The following PDE1A variants were observed in gnomAD, a reference collection of about 807,000 sequenced individuals.
PDE1A encodes the protein phosphodiesterase 1A.
A neutral mutation model predicts 61.7 loss-of-function variants in PDE1A; 35 were observed. The ratio of observed to expected loss-of-function variants is 0.57; its 90% CI spans 0.43 to 0.75. The LOEUF is 0.75. PDE1A is among the 30% of genes least tolerant of loss of function. PDE1A has a pLI of 0.00. For missense variants in PDE1A, 597 were observed against 630.6 expected (o/e 0.95, Z 0.57); for synonymous variants, 232 against 213.2 (o/e 1.09, Z -0.77).
the PDE1A span, among the ~76,000 whole-genome samples, chr2:182,546,978 T>C: frequency 6.6e-6 from 1 of 152,230 alleles, no homozygotes; most frequent in Non-Finnish European, 1.5e-5. Flanking sequence ...ACTTTCACAT[T>C]ATTTTTTATG....
chr2:182,618,430 A>T, the PDE1A span, among the ~76,000 whole-genome samples: 1 of 152,318 alleles, frequency 6.6e-6, no homozygotes, highest in Non-Finnish European at 1.5e-5. Flanking sequence ...TGAACTCGTT[A>T]TAGTATCTTT....
chr2:182,391,115 T>C (rs1489825581), intron 1 of PDE1A, among the ~76,000 whole-genome samples: 3 of 152,144 alleles, frequency 2.0e-5, no homozygotes. Flanking sequence ...AGAACGGCTC[T>C]GAAAATGGAT....
chr2:182,643,731 G>C, the PDE1A span, among the ~76,000 whole-genome samples: 2,492 of 152,264 alleles, frequency 0.016, 33 homozygotes, highest in Middle Eastern at 0.027. Context: ...AATGGCTACT[G>C]TTCAGGGGGA....
the PDE1A span, among the ~76,000 whole-genome samples, chr2:182,612,220 C>T: frequency 6.6e-6 from 1 of 152,092 alleles, no homozygotes; most frequent in Non-Finnish European, 1.5e-5. Context: ...CGTTGTGAAT[C>T]ATGTATTAAA....
At position 182,471,969 on chromosome 2, in the gene PDE1A, C is replaced by T. The variant is rs145668392; in HGVS notation, c.101+50307G>A. Among the ~76,000 whole-genome samples the T allele has an allele frequency of 6.0e-3, 910 of 151,902 alleles. 8 individuals are homozygous for T. In the Middle Eastern group the frequency reaches 0.075, roughly 12 times the overall value. On this transcript the variant is annotated intron_variant, in intron 2 of 14. Transcript: ENST00000410103. ...AAGCATATGAAAAAATGTTCAACATCACTAATAATCAGATGAATGCAAATT... is the reference window on the plus strand; with the variant it reads ...AAGCATATGAAAAAATGTTCAACATTACTAATAATCAGATGAATGCAAATT...
chr2:182,366,877 T>C (rs982982676), intron 1 of PDE1A, among the ~76,000 whole-genome samples: 1 of 151,918 alleles, frequency 6.6e-6, no homozygotes, highest in Non-Finnish European at 1.5e-5. Context: ...GCAATCAGAG[T>C]GGTACAGAAA....
At chr2:182,712,934 T>C in the PDE1A span, among the ~76,000 whole-genome samples, 21 of 152,184 alleles carry the variant, frequency 1.4e-4, no homozygotes, top group Admixed American at 2.0e-4. Flanking sequence ...CCATTGCTCA[T>C]AGGAAAAGGC....
At chr2:182,187,323 C>G (rs1159694588) in intron 11 of PDE1A, among the ~76,000 whole-genome samples, 1 of 152,188 alleles carries the variant, frequency 6.6e-6, no homozygotes, top group African/African-American at 2.4e-5. Context: ...AGGGCATTGT[C>G]CTCTGGGAGC....
At chr2:182,427,380 C>T (rs1168152776), upstream of PDE1A, among the ~76,000 whole-genome samples, 1 of 152,102 alleles carries the variant, frequency 6.6e-6, no homozygotes, top group Non-Finnish European at 1.5e-5. Flanking sequence ...CTGACCAGAG[C>T]TACAAAAGTT....
chr2:182,533,402 T>A, the PDE1A span, among the ~76,000 whole-genome samples: 1 of 152,206 alleles, frequency 6.6e-6, no homozygotes, highest in Admixed American at 6.5e-5. Context: ...TTTTACATAA[T>A]CACAATATTA....
chr2:182,359,342 T>A (rs1222149588), intron 1 of PDE1A, among the ~76,000 whole-genome samples: 3 of 152,180 alleles, frequency 2.0e-5, no homozygotes, highest in African/African-American at 4.8e-5. Flanking sequence ...ATGTTAAAAC[T>A]TGTAATAAAT....
chr2:182,368,025 T>C (rs975852706), intron 1 of PDE1A, among the ~76,000 whole-genome samples: 6 of 152,048 alleles, frequency 3.9e-5, no homozygotes, highest in Admixed American at 3.9e-4. Flanking sequence ...ATATAATGAA[T>C]TACCATACAT....
Position 182,405,998 on chromosome 2 carries a change from G to GATCC in PDE1A, c.53+20576_53+20579dup, listed in dbSNP as rs1280604504. Among the ~76,000 whole-genome samples, 6 of 151,314 alleles carry GATCC rather than the reference G, an allele frequency of 4.0e-5. No individual in the cohort carries two copies. The East Asian group carries it at 1.2e-3, about 29-fold the overall frequency. On this transcript the variant is annotated intron_variant, in intron 1 of 13. Transcript: ENST00000351439. ...TTCTCCTCAATTTGAAAGCTTTATG[G>GATCC]ATCCATCTTAGGTCAAAGAAATTTT...
At chr2:182,552,740 C>A in the PDE1A span, among the ~76,000 whole-genome samples, 2 of 152,276 alleles carry the variant, frequency 1.3e-5, no homozygotes, top group South Asian at 2.1e-4. Flanking sequence ...GGACAAGGAT[C>A]GGGATATAAA....
chr2:182,295,864 A>C (rs2125901779), intron 1 of PDE1A, among the ~76,000 whole-genome samples: 1 of 152,274 alleles, frequency 6.6e-6, no homozygotes, highest in Non-Finnish European at 1.5e-5. Context: ...AAGGAAAAGA[A>C]ATTAGAATTT....
intron 2 of PDE1A, among the ~76,000 whole-genome samples, chr2:182,497,073 T>A (rs1688760247): frequency 6.6e-6 from 1 of 152,214 alleles, no homozygotes; most frequent in African/African-American, 2.4e-5. Context: ...AAATTTTAAT[T>A]TATTTTAAAT....
chr2:182,657,230 C>A, the PDE1A span, among the ~76,000 whole-genome samples: 3 of 152,052 alleles, frequency 2.0e-5, no homozygotes, highest in South Asian at 2.1e-4. Context: ...TCAAAAAAAA[C>A]CCAAAACAAA....
chr2:182,372,498 C>G (rs1700173072), intron 1 of PDE1A, among the ~76,000 whole-genome samples: 1 of 152,080 alleles, frequency 6.6e-6, no homozygotes, highest in African/African-American at 2.4e-5. Context: ...ATAGTGACAA[C>G]AAAGAATTAA....
chr2:182,461,223 AAG>A (rs1490898718), intron 2 of PDE1A, among the ~76,000 whole-genome samples: 3 of 152,162 alleles, frequency 2.0e-5, no homozygotes, highest in Admixed American at 2.0e-4. Context: ...CGAAAAACTA[AAG>A]TAAAGTTCAA....
Sources: gnomAD v4.1 joint callset for allele counts (sites outside exome capture counted in the v4.1 genomes callset) on GRCh38, gnomAD v4.1.1 for gene constraint, MANE v1.5 for transcripts, NCBI Gene and HGNC (gene_info 2026-07-23, HGNC 2026-07-21) for gene names.